KCND2: variants seen among roughly 807,000 people sequenced by gnomAD.
The protein encoded by KCND2 is A-type voltage-gated potassium channel KCND2.
KCND2 carries 16 observed loss-of-function variants against 54.4 expected under a neutral mutation model. The observed-to-expected ratio is 0.29, with a 90% CI of 0.20 to 0.45. KCND2 has a LOEUF of 0.45. KCND2 is among the 20% of genes least tolerant of loss of function. The pLI is 1.00. For missense variants in KCND2, 486 were observed against 824.2 expected (o/e 0.59, Z 5.02); for synonymous variants, 317 against 310.7 (o/e 1.02, Z -0.21).
chr7:120,687,471 A>G (rs538754920), intron 1 of KCND2, among the ~76,000 whole-genome samples: 1 of 152,168 alleles, frequency 6.6e-6, no homozygotes, highest in Non-Finnish European at 1.5e-5. Context: ...AATGAAATGC[A>G]TGTGCTGATT....
intron 1 of KCND2, among the ~76,000 whole-genome samples, chr7:120,662,705 T>A (rs1240496396): frequency 6.6e-6 from 1 of 152,244 alleles, no homozygotes; most frequent in Admixed American, 6.5e-5. Context: ...CTCAGCCACC[T>A]GCATAAAATG....
intron 1 of KCND2, among the ~76,000 whole-genome samples, chr7:120,657,433 T>C (rs1169470091): frequency 6.6e-6 from 1 of 152,144 alleles, no homozygotes; most frequent in South Asian, 2.1e-4. Context: ...TAGCTGGCTC[T>C]TGCTAGGTAG....
chr7:120,637,786 A>G (rs1219951518), intron 1 of KCND2, among the ~76,000 whole-genome samples: 1 of 152,116 alleles, frequency 6.6e-6, no homozygotes, highest in African/African-American at 2.4e-5. Context: ...TCTTAAATCC[A>G]TATCAATAGT....
chr7:120,416,901 A>G (rs905382299), intron 1 of KCND2, among the ~76,000 whole-genome samples: 3 of 152,178 alleles, frequency 2.0e-5, no homozygotes, highest in Admixed American at 2.0e-4. Flanking sequence ...GTTGGAGTGC[A>G]GTGGCGCAAT....
At chr7:120,414,166 G>A (rs750903182) in intron 1 of KCND2, among the ~76,000 whole-genome samples, 7 of 151,946 alleles carry the variant, frequency 4.6e-5, no homozygotes, top group African/African-American at 9.7e-5. Context: ...AGTGTGCCAT[G>A]CTTTAAAACA....
At chr7:120,429,869 T>C (rs913104133) in intron 1 of KCND2, among the ~76,000 whole-genome samples, 1 of 152,208 alleles carries the variant, frequency 6.6e-6, no homozygotes, top group African/African-American at 2.4e-5. Flanking sequence ...AAAAAATATA[T>C]TATTTTGATT....
At chr7:120,518,435 A>G (rs1298426590) in intron 1 of KCND2, among the ~76,000 whole-genome samples, 2 of 152,192 alleles carry the variant, frequency 1.3e-5, no homozygotes, top group Non-Finnish European at 1.5e-5. Flanking sequence ...TGTTAAATCA[A>G]CAAGTTCTTG....
rs144519210 is a variant in KCND2 at position 120,609,781 on chromosome 7, T to G, written c.1116-123122T>G. Among the ~76,000 whole-genome samples, 325 of 152,270 alleles carry G rather than the reference T, an allele frequency of 2.1e-3. 1 individual carries two copies. The highest frequency in any genetic ancestry group is 7.4e-3 in the African/African-American group (309 of 41,574). On this transcript the variant is annotated intron_variant, in intron 1 of 5. Coordinates refer to ENST00000331113, the MANE Select transcript of KCND2 (RefSeq NM_012281.3). ...ATACAGGGCCCCTTGTACAAAAAAT[T>G]ATTTAAAAATTTCAGTACAGCTACA... is the stretch of plus-strand genomic sequence containing the variant.
At chr7:120,707,411 A>G (rs1448312443) in intron 1 of KCND2, among the ~76,000 whole-genome samples, 1 of 152,108 alleles carries the variant, frequency 6.6e-6, no homozygotes, top group Non-Finnish European at 1.5e-5. Flanking sequence ...AGTCACTTAA[A>G]TGTCGCCCAC....
chr7:120,526,729 T>G (rs989002931), intron 1 of KCND2, among the ~76,000 whole-genome samples: 1 of 152,186 alleles, frequency 6.6e-6, no homozygotes, highest in Non-Finnish European at 1.5e-5. Flanking sequence ...AAAATGTTTA[T>G]CTACATATAT....
At chr7:120,593,831 C>T (rs1000628637) in intron 1 of KCND2, among the ~76,000 whole-genome samples, 1 of 151,892 alleles carries the variant, frequency 6.6e-6, no homozygotes, top group Non-Finnish European at 1.5e-5. Context: ...GAAATCTGGC[C>T]CTTCACTCCA....
chr7:120,638,602 A>T (rs919211479), intron 1 of KCND2, among the ~76,000 whole-genome samples: 2 of 152,116 alleles, frequency 1.3e-5, no homozygotes, highest in African/African-American at 4.8e-5. Context: ...TATTAGCCCT[A>T]AGGATATGTG....
At chr7:120,435,189 C>T (rs185793382) in intron 1 of KCND2, among the ~76,000 whole-genome samples, 1 of 151,908 alleles carries the variant, frequency 6.6e-6, no homozygotes, top group African/African-American at 2.4e-5. Context: ...TCATTGCAAC[C>T]ACCACCTCCC....
At chr7:120,384,798 C>T (rs1800964302) in intron 1 of KCND2, among the ~76,000 whole-genome samples, 1 of 152,096 alleles carries the variant, frequency 6.6e-6, no homozygotes, top group African/African-American at 2.4e-5. Context: ...AACTTAATAA[C>T]ATGGCTATGC....
chr7:120,728,299 TA>T (rs369068748), intron 1 of KCND2, among the ~76,000 whole-genome samples: 19 of 146,314 alleles, frequency 1.3e-4, no homozygotes, highest in South Asian at 2.2e-4. Flanking sequence ...TTTTTTTTTT[TA>T]AAAATTTTGA....
chr7:120,445,645 AT>A, intron 1 of KCND2, among the ~76,000 whole-genome samples: 1 of 152,298 alleles, frequency 6.6e-6, no homozygotes, highest in Non-Finnish European at 1.5e-5. Flanking sequence ...TATGTATATT[AT>A]CTTATTTTTA....
chr7:120,370,899 C>T (rs959457055), intron 1 of KCND2, among the ~76,000 whole-genome samples: 4 of 152,002 alleles, frequency 2.6e-5, no homozygotes, highest in African/African-American at 9.7e-5. Context: ...AATAACAGAG[C>T]TGGTAAGTGT....
chr7:120,497,342 T>A (rs1326271564), intron 1 of KCND2, among the ~76,000 whole-genome samples: 7 of 152,218 alleles, frequency 4.6e-5, no homozygotes, highest in Non-Finnish European at 1.0e-4. Flanking sequence ...TGGCCACAAC[T>A]GGGAAATAAA....
intron 1 of KCND2, among the ~76,000 whole-genome samples, chr7:120,629,479 CCG>C (rs1793205146): frequency 6.6e-6 from 1 of 152,024 alleles, no homozygotes; most frequent in South Asian, 2.1e-4. Flanking sequence ...GAGCGAGACT[CCG>C]TCTCGGGGGT....
Sources: allele counts gnomAD v4.1 joint callset (sites outside exome capture counted in the v4.1 genomes callset), GRCh38; gene constraint gnomAD v4.1.1; transcripts MANE v1.5; gene names NCBI Gene and HGNC (gene_info 2026-07-23, HGNC 2026-07-21).